VRK3: variants seen among roughly 807,000 people sequenced by gnomAD.
VRK3 encodes the protein serine/threonine-protein kinase VRK3.
VRK3 carries 50 observed loss-of-function variants against 60.4 expected under a neutral mutation model. The observed-to-expected ratio is 0.83, with a 90% CI of 0.66 to 1.05. VRK3 has a LOEUF of 1.05. Ranked by LOEUF, VRK3 falls within the 50% of genes least tolerant of loss-of-function variation. The pLI, the probability that VRK3 is intolerant of heterozygous loss-of-function variation, is 0.00. For synonymous variants in VRK3, 246 were observed against 227.8 expected, an observed-to-expected ratio of 1.08 and a Z score of -0.72; for missense variants, 549 against 585.3, an observed-to-expected ratio of 0.94 and a Z score of 0.64.
chr19:50,014,954 G>A (rs949441243), intron 3 of VRK3, among the ~76,000 whole-genome samples: 2 of 152,126 alleles, frequency 1.3e-5, no homozygotes, highest in African/African-American at 2.4e-5. Flanking sequence ...TGGGAGGTGC[G>A]GAGAAGGAAG....
At chr19:49,995,150 G>A (rs1403199836) in intron 8 of VRK3, 41 bp downstream of exon 8, 3 of 1,600,210 alleles carry the variant, frequency 1.9e-6, no homozygotes, top group East Asian at 2.2e-5. Context: ...GGAAGAAGAG[G>A]AAAGAGGCCG....
rs2077255442 is a variant in VRK3, at chr19:50,025,354, T to TTGCCCAGCGAAAACTTCCGCTG, written c.-153_-152insCAGCGGAAGTTTTCGCTGGGCA. ...CAGTTACCCGGACTCACCTTCTCAG[T>TTGCCCAGCGAAAACTTCCGCTG]TGCCCAGCGAAAACTTCCGCTGGGC... On this transcript the variant is annotated 5_prime_UTR_variant, in exon 1 of 15. Transcript: ENST00000316763. 1.3e-5 allele frequency: 2 copies of TTGCCCAGCGAAAACTTCCGCTG among 152,358 alleles called. No homozygotes were observed. Among genetic ancestry groups the TTGCCCAGCGAAAACTTCCGCTG allele is most frequent in the South Asian group, 4.2e-4 (2 of 4,776 alleles). 9.4% of individuals were successfully genotyped at this position (152,358 alleles called of 1,614,324 possible). A position where few individuals can be genotyped will look rare whatever the true frequency, so the allele number is the denominator to read the frequency against.
At chr19:49,994,999 G>A (rs1471142169) in intron 8 of VRK3, 80 bp from the exon 9 acceptor site, 8 of 1,408,488 alleles carry the variant, frequency 5.7e-6, no homozygotes, top group African/African-American at 2.9e-5. Context: ...GGACTGTTGC[G>A]TGGGCTGCAA....
chr19:49,983,666 CCTT>C (rs1240879781), intron 12 of VRK3, among the ~76,000 whole-genome samples: 8 of 152,360 alleles, frequency 5.3e-5, no homozygotes, highest in African/African-American at 1.2e-4. Flanking sequence ...GGCCTCTCCT[CCTT>C]CTTTTACTCA....
chr19:50,002,231 G>C (rs2076818721), intron 5 of VRK3, among the ~76,000 whole-genome samples: 1 of 152,140 alleles, frequency 6.6e-6, no homozygotes, highest in Admixed American at 6.5e-5. Context: ...TGAGCTGAGG[G>C]ATGGGGGGTG....
At chr19:49,982,047 G>A (rs1252115802) in intron 12 of VRK3, 3 of 683,506 alleles carry the variant, frequency 4.4e-6, no homozygotes, top group Non-Finnish European at 8.0e-6. Context: ...GTCCCCCGGA[G>A]GCGGCTGCAT....
chr19:49,983,182 C>G (rs1050272675), intron 12 of VRK3, among the ~76,000 whole-genome samples: 2 of 151,826 alleles, frequency 1.3e-5, no homozygotes, highest in African/African-American at 4.8e-5. Flanking sequence ...CCTCTGACTC[C>G]ATCTCCCCAC....
chr19:50,018,104 C>A (rs1233733598), intron 2 of VRK3, among the ~76,000 whole-genome samples: 1 of 152,222 alleles, frequency 6.6e-6, no homozygotes, highest in East Asian at 1.9e-4. Flanking sequence ...ACATGCTGGG[C>A]AAGCTACTTA....
At chr19:49,994,958 AG>A (rs781386504) in intron 8 of VRK3, 39 bp from the exon 9 acceptor site, 2 of 1,585,924 alleles carry the variant, frequency 1.3e-6, no homozygotes, top group Admixed American at 1.7e-5. Context: ...GGAGATGAAC[AG>A]GGGAGAGAGG....
rs940329674 is a variant in VRK3, at chr19:49,992,944, G to T, written c.879C>A (p.Ala293=). 4 of 1,612,098 alleles carry T rather than the reference G, an allele frequency of 2.5e-6. No homozygotes were observed. Among genetic ancestry groups the T allele is most frequent in the African/African-American group, 1.3e-5 (1 of 74,900 alleles). ...VLQVACRLLD[A]LEFLHENEYV... ...ACTCATTCTCATGGAGGAACTCCAG[G>T]GCATCCAGCTGGGGGAAGAAGCAAG... is the stretch of plus-strand genomic sequence containing the variant. The change falls in exon 10 of 15, where the codon GCC becomes GCA. Residue 293 remains alanine (A), a synonymous_variant. Transcript: ENST00000316763.
chr19:49,992,812 G>A, intron 10 of VRK3, 48 bp downstream of exon 10: 3 of 1,567,470 alleles, frequency 1.9e-6, no homozygotes, highest in Non-Finnish European at 2.6e-6. Flanking sequence ...AGACAGATGG[G>A]AACCTGAGCC....
At chr19:49,994,139 G>A (rs567309421) in intron 9 of VRK3, among the ~76,000 whole-genome samples, 26 of 152,120 alleles carry the variant, frequency 1.7e-4, no homozygotes, top group Non-Finnish European at 2.8e-4. Flanking sequence ...TCAGCATGTC[G>A]CTCCCTTGGT....
At chr19:50,007,455 G>T in intron 5 of VRK3, 114 bp downstream of exon 5, 1 of 1,486,040 alleles carries the variant, frequency 6.7e-7, no homozygotes, top group Admixed American at 1.9e-5. Flanking sequence ...GTTGCCTAGC[G>T]ACAGGTCTGC....
At position 49,981,856 on chromosome 19, in the gene VRK3, C is replaced by T. The variant is rs188237840; in HGVS notation, c.1218-843G>A. ...CTCGTGGCTGTGAGGGGCCAATGGGCGGTATCCAAACATTTTGAGGAGATT... is the reference window on the plus strand; with the variant it reads ...CTCGTGGCTGTGAGGGGCCAATGGGTGGTATCCAAACATTTTGAGGAGATT... On this transcript the variant is annotated intron_variant, in intron 12 of 14. Transcript: ENST00000316763. 1,803 of 1,196,768 alleles carry T rather than the reference C, an allele frequency of 1.5e-3. 41 individuals are homozygous for T. In the Admixed American group the frequency reaches 0.037, roughly 24 times the overall value. The allele number at this position is 1,196,768 out of a possible 1,614,324, so 74.1% of individuals were successfully genotyped here. A position where few individuals can be genotyped will look rare whatever the true frequency, so the allele number is the denominator to read the frequency against.
At chr19:49,981,287 C>A in intron 12 of VRK3, 1 of 451,738 alleles carries the variant, frequency 2.2e-6, no homozygotes, top group Admixed American at 3.7e-5. Flanking sequence ...TGGCTCACGC[C>A]TGTAATCCCA....
chr19:49,980,740 C>G (rs537722636), intron 13 of VRK3, among the ~76,000 whole-genome samples: 1 of 151,498 alleles, frequency 6.6e-6, no homozygotes, highest in Admixed American at 6.6e-5. Flanking sequence ...AAAAATTACC[C>G]TGTCTTCAAA....
intron 3 of VRK3, among the ~76,000 whole-genome samples, chr19:50,011,749 ACTCC>A (rs1384679621): frequency 1.4e-5 from 2 of 141,924 alleles, no homozygotes; most frequent in Non-Finnish European, 3.0e-5. Flanking sequence ...TTAAAACCAA[ACTCC>A]CTCCCGTGGT....
intron 5 of VRK3, 122 bp downstream of exon 5, chr19:50,007,447 T>C: frequency 6.9e-7 from 1 of 1,448,592 alleles, no homozygotes; most frequent in South Asian, 1.3e-5. Flanking sequence ...AAGAGAAAGT[T>C]GCCTAGCGAC....
chr19:49,989,384 C>T (rs1340605039), intron 11 of VRK3, among the ~76,000 whole-genome samples: 2 of 152,222 alleles, frequency 1.3e-5, no homozygotes, highest in East Asian at 3.8e-4. Flanking sequence ...TCTTCCAAGT[C>T]TACAACAGAT....
Sources: gnomAD v4.1 joint callset for allele counts (sites outside exome capture counted in the v4.1 genomes callset) on GRCh38, gnomAD v4.1.1 for gene constraint, MANE v1.5 for transcripts, NCBI Gene and HGNC (gene_info 2026-07-23, HGNC 2026-07-21) for gene names.